DPY19L2: variants seen among roughly 807,000 people sequenced by gnomAD.
DPY19L2 encodes dpy-19 like 2.
DPY19L2 carries 34 observed loss-of-function variants against 97.9 expected under a neutral mutation model. The observed-to-expected ratio is 0.35, with a 90% CI of 0.26 to 0.46. The LOEUF is 0.46. Among genes scored for constraint, DPY19L2 ranks in the 20% least tolerant of loss-of-function variants. DPY19L2 has a pLI of 1.00. For synonymous variants in DPY19L2, 230 were observed against 307.9 expected (o/e 0.75, Z 2.65); for missense variants, 623 against 911.4 (o/e 0.68, Z 4.07).
upstream of DPY19L2, chr12:63,668,539 G>A: frequency 2.4e-6 from 2 of 835,844 alleles, no homozygotes; most frequent in African/African-American, 1.7e-5. Flanking sequence ...TGGCGACTGT[G>A]AAATGTGGGG....
chr12:63,633,272 T>G (rs539803819), intron 6 of DPY19L2, among the ~76,000 whole-genome samples: 1 of 152,068 alleles, frequency 6.6e-6, no homozygotes, highest in Non-Finnish European at 1.5e-5. Context: ...TCAGAGTGAA[T>G]AGGCAACCTA....
At chr12:63,615,474 C>T (rs910626546) in intron 11 of DPY19L2, among the ~76,000 whole-genome samples, 15 of 152,206 alleles carry the variant, frequency 9.9e-5, no homozygotes, top group Middle Eastern at 3.4e-3. Flanking sequence ...TGAAGCAATC[C>T]AAGTTTCAGA....
intron 11 of DPY19L2, among the ~76,000 whole-genome samples, chr12:63,615,842 G>A (rs1273290350): frequency 3.3e-5 from 5 of 152,000 alleles, no homozygotes; most frequent in Non-Finnish European, 5.9e-5. Flanking sequence ...GTTTAAGAAT[G>A]TTTGCCACAT....
At chr12:63,629,401 G>A (rs1237947766) in intron 6 of DPY19L2, among the ~76,000 whole-genome samples, 2 of 152,084 alleles carry the variant, frequency 1.3e-5, no homozygotes, top group African/African-American at 2.4e-5. Context: ...ACCAAGGCAC[G>A]AGAACTACAT....
chr12:63,592,006 G>C (rs1443488431), intron 16 of DPY19L2, among the ~76,000 whole-genome samples: 1 of 6,128 alleles, frequency 1.6e-4, no homozygotes. Flanking sequence ...GAGGGGAAGG[G>C]AGGGGAGGGG....
chr12:63,649,430 G>C (rs1040232037), intron 4 of DPY19L2, among the ~76,000 whole-genome samples: 3 of 151,932 alleles, frequency 2.0e-5, no homozygotes, highest in African/African-American at 7.3e-5. Flanking sequence ...TAGACCACTA[G>C]CTAGACTAAT....
At chr12:63,629,880 C>G (rs1286627855) in intron 6 of DPY19L2, among the ~76,000 whole-genome samples, 1 of 152,164 alleles carries the variant, frequency 6.6e-6, no homozygotes. Context: ...GGCAGAAACT[C>G]TACAAGCCAG....
chr12:63,561,658 C>T (rs544875423), intron 21 of DPY19L2, among the ~76,000 whole-genome samples: 3 of 151,218 alleles, frequency 2.0e-5, no homozygotes, highest in Non-Finnish European at 4.4e-5. Flanking sequence ...ATAGAGAACA[C>T]AATTTGTTTA....
Position 63,565,629 on chromosome 12 carries a change from A to G in DPY19L2, c.2126+3595T>C, listed in dbSNP as rs138888192. Among the ~76,000 whole-genome samples the G allele has an allele frequency of 8.5e-5, 13 of 152,254 alleles. No homozygotes were observed. The East Asian group carries it at 2.5e-3, about 29-fold the overall frequency. The stretch of plus-strand genomic sequence containing the variant: ...AATTTCTGGGAATTAGGACATGGCC[A>G]TCGTGGGGGGCTCATTATTCAGCCT... On this transcript the variant is annotated intron_variant, in intron 21 of 21. Coordinates refer to ENST00000324472, the MANE Select transcript of DPY19L2 (RefSeq NM_173812.5).
chr12:63,576,563 A>G (rs1232130331), intron 19 of DPY19L2, among the ~76,000 whole-genome samples: 1 of 151,936 alleles, frequency 6.6e-6, no homozygotes, highest in Non-Finnish European at 1.5e-5. Context: ...TCCACCAAAA[A>G]AAAAACTATT....
chr12:63,629,293 A>G (rs770962132), intron 6 of DPY19L2, among the ~76,000 whole-genome samples: 15 of 152,188 alleles, frequency 9.9e-5, no homozygotes, highest in Non-Finnish European at 2.1e-4. Context: ...GTTAGAACCC[A>G]TGGCAAAGAA....
intron 6 of DPY19L2, among the ~76,000 whole-genome samples, chr12:63,631,519 A>G (rs1890639203): frequency 6.6e-6 from 1 of 152,172 alleles, no homozygotes; most frequent in African/African-American, 2.4e-5. Context: ...ACCAGGAAGA[A>G]TTTGAATCTC....
chr12:63,582,920 C>A (rs970628011), intron 17 of DPY19L2, among the ~76,000 whole-genome samples: 13 of 152,050 alleles, frequency 8.5e-5, no homozygotes, highest in African/African-American at 3.1e-4. Context: ...ACACAGTGGG[C>A]CTCACTGTAA....
At chr12:63,586,866 C>T (rs1236887511) in intron 16 of DPY19L2, among the ~76,000 whole-genome samples, 1 of 151,888 alleles carries the variant, frequency 6.6e-6, no homozygotes, top group Non-Finnish European at 1.5e-5. Context: ...AACAATTCAG[C>T]GAGTATCAAG....
Position 63,633,323 on chromosome 12 carries a change from G to A in DPY19L2, c.804-6797C>T, listed in dbSNP as rs542428462. The stretch of plus-strand genomic sequence containing the variant: ...TTTTGCAATCTACTCATCTGACAAA[G>A]GGCTAATATCCAGAATCTACAATGA... On this transcript the variant is annotated intron_variant, in intron 6 of 21. Coordinates refer to ENST00000324472, the MANE Select transcript of DPY19L2 (RefSeq NM_173812.5). 1.7e-4 allele frequency among the ~76,000 whole-genome samples: 26 copies of A among 152,178 alleles called. No homozygotes were observed. In the South Asian group the frequency reaches 4.8e-3, roughly 28 times the overall value.
chr12:63,668,642 T>G, upstream of DPY19L2: 4 of 493,998 alleles, frequency 8.1e-6, no homozygotes, highest in Non-Finnish European at 7.3e-6. Context: ...GCCTCTGCGC[T>G]TCCCAGAGCG....
intron 12 of DPY19L2, among the ~76,000 whole-genome samples, chr12:63,602,446 C>T (rs1885341499): frequency 6.6e-6 from 1 of 151,904 alleles, no homozygotes; most frequent in African/African-American, 2.4e-5. Flanking sequence ...ACTGGAGTGC[C>T]TGAAAAAGAA....
At chr12:63,565,692 T>C (rs956464945) in intron 21 of DPY19L2, among the ~76,000 whole-genome samples, 5 of 152,144 alleles carry the variant, frequency 3.3e-5, no homozygotes, top group East Asian at 1.9e-4. Context: ...ATAATTGATA[T>C]GGTTAGATTT....
rs1477462941 is a variant in DPY19L2, at chr12:63,668,300, C to A, written c.94G>T (p.Glu32Ter). 2 of 1,613,950 alleles carry A rather than the reference C, an allele frequency of 1.2e-6. No homozygotes were observed. ...GACTTTTCCATCTCCTCCTCTACCTCCGGCTCCCGGGCGAGGGAGGCCCCG... is the reference window on the plus strand; with the variant it reads ...GACTTTTCCATCTCCTCCTCTACCTACGGCTCCCGGGCGAGGGAGGCCCCG... ...RRGASLAREP[E>*]VEEEMEKSAL... The change falls in exon 1 of 22, where the codon GAG becomes TAG. Residue 32 changes from glutamate to a stop codon, truncating the protein, a stop_gained. Coordinates refer to ENST00000324472, the MANE Select transcript of DPY19L2 (RefSeq NM_173812.5). LOFTEE classifies it high-confidence loss of function.
Sources: allele counts gnomAD v4.1 joint callset (sites outside exome capture counted in the v4.1 genomes callset), GRCh38; gene constraint gnomAD v4.1.1; transcripts MANE v1.5; gene names NCBI Gene and HGNC (gene_info 2026-07-23, HGNC 2026-07-21).